Variants in GALNTL6 observed in about 807,000 individuals in gnomAD.
GALNTL6 encodes the protein polypeptide N-acetylgalactosaminyltransferase like 6.
Under a neutral mutation model 73.7 loss-of-function variants are expected in GALNTL6, and 46 were observed. The ratio of observed to expected loss-of-function variants is 0.62; its 90% CI spans 0.49 to 0.80. The LOEUF (loss-of-function observed/expected upper bound fraction) is 0.80, where lower values mean the gene tolerates loss of function less well. Among genes scored for constraint, GALNTL6 ranks in the 30% least tolerant of loss-of-function variants. GALNTL6 has a pLI of 0.00. For missense variants in GALNTL6, 604 were observed against 755.0 expected, an observed-to-expected ratio of 0.80 and a Z score of 2.34; for synonymous variants, 259 against 263.7, an observed-to-expected ratio of 0.98 and a Z score of 0.17.
intron 2 of GALNTL6, among the ~76,000 whole-genome samples, chr4:172,205,605 C>T (rs1736084350): frequency 6.6e-6 from 1 of 152,202 alleles, no homozygotes; most frequent in Admixed American, 6.5e-5. Context: ...ATAATCCCTT[C>T]CTATTTCCAG....
chr4:172,182,079 A>G (rs1476673687), intron 2 of GALNTL6, among the ~76,000 whole-genome samples: 3 of 152,188 alleles, frequency 2.0e-5, no homozygotes, highest in African/African-American at 7.2e-5. Flanking sequence ...TACAAAATCA[A>G]TGTGCAAAAA....
intron 5 of GALNTL6, among the ~76,000 whole-genome samples, chr4:172,785,183 T>C (rs1739585059): frequency 6.6e-6 from 1 of 152,108 alleles, no homozygotes; most frequent in Admixed American, 6.5e-5. Context: ...CTCTGAAAAT[T>C]TGTGAACGAA....
chr4:172,790,718 G>A (rs1171907326), intron 5 of GALNTL6, among the ~76,000 whole-genome samples: 1 of 151,838 alleles, frequency 6.6e-6, no homozygotes, highest in Admixed American at 6.6e-5. Context: ...TGGTGAAACT[G>A]CGTCTCTACT....
At chr4:173,017,854 G>C (rs1278223256) in intron 11 of GALNTL6, among the ~76,000 whole-genome samples, 2 of 152,208 alleles carry the variant, frequency 1.3e-5, no homozygotes, top group African/African-American at 4.8e-5. Context: ...AGATTTGCCA[G>C]TGTTTGCTGT....
intron 2 of GALNTL6, among the ~76,000 whole-genome samples, chr4:172,052,721 C>T (rs1730911315): frequency 6.6e-6 from 1 of 152,094 alleles, no homozygotes; most frequent in South Asian, 2.1e-4. Flanking sequence ...GGAATTGATT[C>T]AACCTGACTT....
chr4:172,299,110 C>T (rs1022392305), intron 3 of GALNTL6, among the ~76,000 whole-genome samples: 7 of 152,076 alleles, frequency 4.6e-5, no homozygotes, highest in African/African-American at 1.4e-4. Flanking sequence ...GTGTATGTGT[C>T]GAGGAATTTA....
chr4:172,630,686 T>C (rs1285577100), intron 5 of GALNTL6, among the ~76,000 whole-genome samples: 1 of 148,350 alleles, frequency 6.7e-6, no homozygotes, highest in Non-Finnish European at 1.5e-5. Flanking sequence ...TTAATTACTT[T>C]TCCTTTATTC....
chr4:172,092,709 A>T (rs144604355), intron 2 of GALNTL6, among the ~76,000 whole-genome samples: 1 of 152,182 alleles, frequency 6.6e-6, no homozygotes, highest in Non-Finnish European at 1.5e-5. Context: ...ATCTAATAAA[A>T]ACAGCAAGAG....
chr4:172,849,786 G>A (rs1362850093), intron 7 of GALNTL6, among the ~76,000 whole-genome samples: 1 of 152,118 alleles, frequency 6.6e-6, no homozygotes, highest in African/African-American at 2.4e-5. Flanking sequence ...TTGTCAAACT[G>A]TTTGATTTGT....
chr4:172,158,957 CAAGTAGTTGTTTTAA>C (rs1734369006), intron 2 of GALNTL6, among the ~76,000 whole-genome samples: 1 of 152,154 alleles, frequency 6.6e-6, no homozygotes, highest in African/African-American at 2.4e-5. Flanking sequence ...GTAAACTATT[CAAGTAGTTGTTTTAA>C]AACAAAAAAA....
intron 10 of GALNTL6, among the ~76,000 whole-genome samples, chr4:173,001,163 T>G (rs1380893974): frequency 6.6e-6 from 1 of 152,116 alleles, no homozygotes; most frequent in Non-Finnish European, 1.5e-5. Flanking sequence ...GAGAAGCATA[T>G]TATGTACTCT....
intron 5 of GALNTL6, among the ~76,000 whole-genome samples, chr4:172,423,646 C>G (rs2111366741): frequency 6.6e-6 from 1 of 152,148 alleles, no homozygotes; most frequent in Admixed American, 6.6e-5. Flanking sequence ...TTTATCATTG[C>G]CTAATATATC....
At chr4:171,966,145 A>G (rs898194349) in intron 2 of GALNTL6, among the ~76,000 whole-genome samples, 4 of 152,188 alleles carry the variant, frequency 2.6e-5, no homozygotes, top group Non-Finnish European at 5.9e-5. Flanking sequence ...TTCATTATAG[A>G]TTCCTATACT....
At chr4:172,241,282 A>G (rs1038095951) in intron 3 of GALNTL6, among the ~76,000 whole-genome samples, 2 of 152,178 alleles carry the variant, frequency 1.3e-5, no homozygotes, top group African/African-American at 4.8e-5. Context: ...TTTTTAATAA[A>G]TAGGTGGTAT....
chr4:172,888,613 T>A (rs1187312424), intron 8 of GALNTL6, among the ~76,000 whole-genome samples: 5 of 152,230 alleles, frequency 3.3e-5, no homozygotes, highest in Non-Finnish European at 7.3e-5. Flanking sequence ...TCCCACGCTC[T>A]ATGTGTCTGT....
At chr4:172,721,047 A>G (rs1735441665) in intron 5 of GALNTL6, among the ~76,000 whole-genome samples, 1 of 152,232 alleles carries the variant, frequency 6.6e-6, no homozygotes, top group South Asian at 2.1e-4. Flanking sequence ...TTCTGTCTCT[A>G]TGTTCGGGAA....
intron 5 of GALNTL6, among the ~76,000 whole-genome samples, chr4:172,423,001 A>C (rs1411872123): frequency 2.6e-5 from 4 of 151,696 alleles, no homozygotes; most frequent in African/African-American, 9.7e-5. Context: ...CAAAGTATAG[A>C]TATTTCTATA....
At chr4:172,022,298 T>C (rs1382281442) in intron 2 of GALNTL6, among the ~76,000 whole-genome samples, 4 of 152,086 alleles carry the variant, frequency 2.6e-5, no homozygotes, top group Non-Finnish European at 5.9e-5. Flanking sequence ...CACATCCTCA[T>C]AGTAATTGAC....
intron 2 of GALNTL6, among the ~76,000 whole-genome samples, chr4:171,911,803 T>G (rs1282204523): frequency 6.6e-6 from 1 of 152,202 alleles, no homozygotes; most frequent in East Asian, 1.9e-4. Context: ...TGGATAATAT[T>G]AAATGGTGTA....
Sources: allele counts gnomAD v4.1 joint callset (sites outside exome capture counted in the v4.1 genomes callset), GRCh38; gene constraint gnomAD v4.1.1; transcripts MANE v1.5; gene names NCBI Gene and HGNC (gene_info 2026-07-23, HGNC 2026-07-21).